APOL3: variants seen among roughly 807,000 people sequenced by gnomAD.
APOL3 encodes apolipoprotein L3.
A neutral mutation model predicts 11.6 loss-of-function variants in APOL3; 14 were observed. The observed-to-expected ratio is 1.21, with a 90% CI of 0.80 to 1.89. APOL3 has a LOEUF of 1.89. Ranked by LOEUF, APOL3 falls within the 40% of genes most tolerant of loss-of-function variation. APOL3 has a pLI of 0.00. For missense variants in APOL3, 483 were observed against 492.1 expected, an observed-to-expected ratio of 0.98 and a Z score of 0.17; for synonymous variants, 192 against 190.6, an observed-to-expected ratio of 1.01 and a Z score of -0.06.
intron 1 of APOL3, chr22:36,146,159 G>C (rs2060211115): frequency 6.6e-6 from 1 of 152,104 alleles, no homozygotes; most frequent in African/African-American, 2.4e-5. Flanking sequence ...TTTGCCTCCA[G>C]AACTGTGAGA....
At chr22:36,141,284 C>T in exon 3 of APOL3, 1 of 1,614,210 alleles carries the variant, frequency 6.2e-7, no homozygotes, top group Non-Finnish European at 8.5e-7. Context: ...CCTGCCGCCT[C>T]AGCTCCTCAG....
chr22:36,158,560 C>T (rs557271755), intron 1 of APOL3, among the ~76,000 whole-genome samples: 1 of 152,212 alleles, frequency 6.6e-6, no homozygotes, highest in Non-Finnish European at 1.5e-5. Context: ...TGGCTCATGC[C>T]TGTAATCCCA....
At chr22:36,150,987 G>A (rs1439477162) in intron 1 of APOL3, among the ~76,000 whole-genome samples, 1 of 152,210 alleles carries the variant, frequency 6.6e-6, no homozygotes, top group Non-Finnish European at 1.5e-5. Flanking sequence ...CAACTGAATA[G>A]AGAGGGGTAA....
exon 3 of APOL3, chr22:36,141,933 A>T: frequency 1.9e-6 from 3 of 1,614,156 alleles, no homozygotes; most frequent in Non-Finnish European, 2.5e-6. Flanking sequence ...CTTCCTCTTG[A>T]CTTGGGGAAA....
In APOL3 at chr22:36,160,681, T is replaced by C. The variant is rs79419411; in HGVS notation, c.211A>G (p.Arg71Gly). The C allele has an allele frequency of 4.4e-3, 7,092 of 1,614,146 alleles. 242 individuals are homozygous for C. The African/African-American group carries it at 0.082, about 19-fold the overall frequency. The change falls in exon 1 of 3, where the codon AGA becomes GGA. Residue 71 changes from arginine (R) to glycine (G), a missense_variant. Transcript: ENST00000349314. ...ACCCCTAACTTACCAAGGAAGCTTCTCTTGAAAGAGTGTGAGCAAGATCCA... is the reference window on the plus strand; with the variant it reads ...ACCCCTAACTTACCAAGGAAGCTTCCCTTGAAAGAGTGTGAGCAAGATCCA...
At chr22:36,160,689 G>A (rs773078566) in exon 1 of APOL3, 2 of 1,614,210 alleles carry the variant, frequency 1.2e-6, no homozygotes, top group East Asian at 2.2e-5. Context: ...TCTCTTGAAA[G>A]AGTGTGAGCA....
At position 36,160,775 on chromosome 22, in the gene APOL3, G is replaced by T. The variant is rs132653; in HGVS notation, c.117C>A (p.Ser39Arg). 0.82 allele frequency: 1,322,667 copies of T among 1,613,890 alleles called. 547,835 individuals are homozygous for T. The highest frequency in any genetic ancestry group is 0.98 in the East Asian group (43,874 of 44,862). Residue 39 changes from serine (S) to arginine (R), a missense_variant, in exon 1 of 3, where the codon AGC becomes AGA. Ser to Arg is a moderately radical substitution (Grantham distance 110). Transcript: ENST00000349314. Reference sequence around the variant, plus strand: ...CATAATAACCAGACACGTTCTCCAGGCTCTGAGATATACCCTGGAACCCAA... The same window carrying T: ...CATAATAACCAGACACGTTCTCCAGTCTCTGAGATATACCCTGGAACCCAA...
chr22:36,157,386 T>G (rs915611204), intron 1 of APOL3, among the ~76,000 whole-genome samples: 2 of 152,344 alleles, frequency 1.3e-5, no homozygotes, highest in African/African-American at 4.8e-5. Flanking sequence ...TTGTCTGTAG[T>G]AGGTACCCAT....
At position 36,149,984 on chromosome 22, in the gene APOL3, A is replaced by T. The variant is rs187435085; in HGVS notation, c.224-4385T>A. The T allele has an allele frequency of 1.8e-3, 765 of 435,762 alleles. 6 individuals carry two copies. Among genetic ancestry groups the T allele is most frequent in the African/African-American group, 0.011 (556 of 48,876 alleles). The allele number at this position is 435,762 out of a possible 1,614,324, so 27.0% of individuals were successfully genotyped here. A position where few individuals can be genotyped will look rare whatever the true frequency, so the allele number is the denominator to read the frequency against. On this transcript the variant is annotated intron_variant, in intron 1 of 2. Coordinates refer to ENST00000349314, the Ensembl canonical transcript of APOL3. ...ACCACGCTAGGCACATTAAAAAAAA[A>T]TTTTTTTTAGAAATGTGGATCTTGC... is the stretch of plus-strand genomic sequence containing the variant.
chr22:36,141,509 T>C (rs763033130), exon 3 of APOL3: 3 of 1,614,212 alleles, frequency 1.9e-6, no homozygotes, highest in South Asian at 1.1e-5. Context: ...TGGCTCTGGC[T>C]TGCCTGATGG....
upstream of APOL3, chr22:36,164,973 T>C (rs1603476200): frequency 6.6e-6 from 1 of 152,352 alleles, no homozygotes; most frequent in East Asian, 1.9e-4. Context: ...TCACTGTTGA[T>C]ATTTGTCTTA....
Position 36,141,523 on chromosome 22 carries a change from G to A in APOL3, c.886C>T (p.Arg296Cys), listed in dbSNP as rs141623013. Residue 296 changes from arginine (R) to cysteine (C), a missense_variant, in exon 3 of 3, where the codon CGT becomes TGT. Arg to Cys is a radical substitution (Grantham distance 180, BLOSUM62 -3). Transcript: ENST00000349314. ...CTGGCTCTGGCTTGCCTGATGGCAC[G>A]GATTTCACTCCCAATGGTTTGTGTG... 87 of 1,614,068 alleles carry A rather than the reference G, an allele frequency of 5.4e-5. 2 individuals carry two copies. In the Admixed American group the frequency reaches 1.3e-3, roughly 23 times the overall value.
At chr22:36,153,078 T>G (rs1348681995) in intron 1 of APOL3, among the ~76,000 whole-genome samples, 1 of 151,412 alleles carries the variant, frequency 6.6e-6, no homozygotes, top group Non-Finnish European at 1.5e-5. Flanking sequence ...TACATTGCAC[T>G]CCAGCCTGGG....
chr22:36,149,073 C>T (rs760906585), intron 1 of APOL3: 52 of 1,368,242 alleles, frequency 3.8e-5, no homozygotes, highest in Non-Finnish European at 4.9e-5. Flanking sequence ...GCAGCCAGGT[C>T]ACTGAGAGAC....
intron 1 of APOL3, among the ~76,000 whole-genome samples, chr22:36,147,418 C>A (rs1301506345): frequency 6.6e-6 from 1 of 152,168 alleles, no homozygotes; most frequent in Non-Finnish European, 1.5e-5. Context: ...GTTATTAAAC[C>A]ACAGATCATC....
chr22:36,161,127 C>T (rs1569530071), upstream of APOL3, among the ~76,000 whole-genome samples: 1 of 152,230 alleles, frequency 6.6e-6, no homozygotes, highest in Non-Finnish European at 1.5e-5. Flanking sequence ...AGCATTACCA[C>T]AGTCCATCAC....
At chr22:36,163,226 A>G (rs2013776519), upstream of APOL3, among the ~76,000 whole-genome samples, 1 of 152,238 alleles carries the variant, frequency 6.6e-6, no homozygotes, top group South Asian at 2.1e-4. Context: ...TAGACTGGGC[A>G]TTTTGGCTGG....
intron 1 of APOL3, among the ~76,000 whole-genome samples, chr22:36,150,867 G>GTTGTC (rs2060407341): frequency 6.6e-6 from 1 of 152,242 alleles, no homozygotes; most frequent in Admixed American, 6.5e-5. Flanking sequence ...CCTGGTGACA[G>GTTGTC]ACTGGGACTC....
rs553653177 is a variant in APOL3 at position 36,144,266 on chromosome 22, C to A, written c.350+1207G>T. Among the ~76,000 whole-genome samples the A allele has an allele frequency of 2.6e-5, 4 of 152,270 alleles. No homozygotes were observed. The East Asian group carries it at 5.8e-4, about 22-fold the overall frequency. ...TCACCCTACTCCCAGCCTTGGTGCC[C>A]GAGCCTTCCTGCTGCTCCTCCAACC... On this transcript the variant is annotated intron_variant, in intron 2 of 2. Coordinates refer to ENST00000349314, the Ensembl canonical transcript of APOL3.
Sources: gnomAD v4.1 joint callset for allele counts (sites outside exome capture counted in the v4.1 genomes callset) on GRCh38, gnomAD v4.1.1 for gene constraint, MANE v1.5 for transcripts, NCBI Gene and HGNC (gene_info 2026-07-23, HGNC 2026-07-21) for gene names.